Variants in PDE7A observed in about 807,000 individuals in gnomAD.
PDE7A encodes the protein phosphodiesterase 7A.
Under a neutral mutation model 64.3 loss-of-function variants are expected in PDE7A, and 39 were observed. That is an observed-to-expected ratio of 0.61 (90% confidence interval 0.47 to 0.79). The LOEUF (loss-of-function observed/expected upper bound fraction) is 0.79. Ranked by LOEUF, PDE7A falls within the 30% of genes least tolerant of loss-of-function variation. The pLI is 0.00. For synonymous variants in PDE7A, 203 were observed against 206.8 expected, an observed-to-expected ratio of 0.98 and a Z score of 0.16; for missense variants, 470 against 582.8, an observed-to-expected ratio of 0.81 and a Z score of 1.99.
chr8:65,833,104 A>G (rs1208259567), intron 1 of PDE7A, among the ~76,000 whole-genome samples: 1 of 152,168 alleles, frequency 6.6e-6, no homozygotes, highest in Non-Finnish European at 1.5e-5. Context: ...ACCAATCGAA[A>G]TCTATAACAT....
chr8:65,719,285 G>A lies in PDE7A; in HGVS notation c.*5C>T, dbSNP rs1806276119. The A allele has an allele frequency of 6.2e-7, 1 of 1,606,060 alleles. No individual in the cohort carries two copies. The highest frequency in any genetic ancestry group is 1.3e-5 in the African/African-American group (1 of 74,760). On this transcript the variant is annotated 3_prime_UTR_variant, in exon 13 of 13. Coordinates refer to ENST00000401827, the MANE Select transcript of PDE7A (RefSeq NM_001242318.3). ...GGAGGCAGTTTGTCCCACTGGTTCT[G>A]GGGGTTATGATAACCGATTTTCCTG... is the stretch of plus-strand genomic sequence containing the variant.
At chr8:65,746,655 C>G (rs971556753) in intron 4 of PDE7A, among the ~76,000 whole-genome samples, 3 of 152,134 alleles carry the variant, frequency 2.0e-5, no homozygotes, top group African/African-American at 7.2e-5. Context: ...TATGAATACA[C>G]TGACATGAGC....
At chr8:65,735,274 C>T (rs539996861) in intron 6 of PDE7A, among the ~76,000 whole-genome samples, 74 of 152,220 alleles carry the variant, frequency 4.9e-4, no homozygotes, top group African/African-American at 1.7e-3. Flanking sequence ...CACTTGCTTC[C>T]GTCCCATCCT....
chr8:65,807,476 TAGAG>T (rs1810138732), intron 1 of PDE7A, among the ~76,000 whole-genome samples: 1 of 152,214 alleles, frequency 6.6e-6, no homozygotes, highest in Admixed American at 6.5e-5. Context: ...CATCTATGAC[TAGAG>T]ATAGTTTTAC....
intron 1 of PDE7A, among the ~76,000 whole-genome samples, chr8:65,825,985 T>C (rs1274090070): frequency 6.6e-6 from 1 of 151,984 alleles, no homozygotes; most frequent in East Asian, 1.9e-4. Flanking sequence ...AAGAGGATGG[T>C]CAAGGAAGGC....
At chr8:65,837,187 G>A (rs547654199) in intron 1 of PDE7A, among the ~76,000 whole-genome samples, 1 of 152,324 alleles carries the variant, frequency 6.6e-6, no homozygotes, top group South Asian at 2.1e-4. Context: ...ACAGGACCTG[G>A]ATAATTTGTC....
chr8:65,747,359 T>A (rs1057119795), intron 4 of PDE7A, among the ~76,000 whole-genome samples: 2 of 152,228 alleles, frequency 1.3e-5, no homozygotes, highest in Non-Finnish European at 2.9e-5. Context: ...CTTCCCAGCA[T>A]TACAATTCTG....
chr8:65,746,197 G>T (rs117547270), intron 4 of PDE7A, among the ~76,000 whole-genome samples: 1 of 150,920 alleles, frequency 6.6e-6, no homozygotes, highest in African/African-American at 2.4e-5. Flanking sequence ...GCCTCCGAAC[G>T]TGCTAGGATT....
chr8:65,807,927 A>G (rs1478424355), intron 1 of PDE7A, among the ~76,000 whole-genome samples: 1 of 152,146 alleles, frequency 6.6e-6, no homozygotes, highest in East Asian at 1.9e-4. Context: ...GGTAAATCTT[A>G]TTGTATACAA....
chr8:65,755,945 C>T lies in PDE7A; in HGVS notation c.284-8142G>A, dbSNP rs567590776. ...ATCTACCATTTCTTGTAGGACAGGT[C>T]TACTGGTAATGAACTCCCTCAACTT... is the stretch of plus-strand genomic sequence containing the variant. On this transcript the variant is annotated intron_variant, in intron 3 of 12. Transcript: ENST00000401827. 2.0e-5 allele frequency among the ~76,000 whole-genome samples: 3 copies of T among 152,294 alleles called. No individual in the cohort carries two copies. In the East Asian group the frequency reaches 5.8e-4, roughly 29 times the overall value.
chr8:65,788,839 A>C, intron 1 of PDE7A: 1 of 1,318,674 alleles, frequency 7.6e-7, no homozygotes, highest in Non-Finnish European at 1.1e-6. Context: ...AAATATGTAA[A>C]CTAATGATGA....
At chr8:65,800,465 T>C (rs1809960723) in intron 1 of PDE7A, among the ~76,000 whole-genome samples, 1 of 152,228 alleles carries the variant, frequency 6.6e-6, no homozygotes, top group Non-Finnish European at 1.5e-5. Context: ...ATTTTGCCTG[T>C]AGCTTCTGCT....
At chr8:65,814,060 C>T (rs1236079096) in intron 1 of PDE7A, among the ~76,000 whole-genome samples, 1 of 151,572 alleles carries the variant, frequency 6.6e-6, no homozygotes, top group East Asian at 1.9e-4. Flanking sequence ...ATTTTCATTA[C>T]TGAATTTTTT....
At chr8:65,821,190 A>C (rs929871456) in intron 1 of PDE7A, among the ~76,000 whole-genome samples, 14 of 151,894 alleles carry the variant, frequency 9.2e-5, no homozygotes, top group Middle Eastern at 3.4e-3. Context: ...ACAAAAAAAA[A>C]CCCTTTTTTC....
rs762379703 is a variant in PDE7A, at chr8:65,804,540, CTTT to C, written c.139-21700_139-21698del. Among the ~76,000 whole-genome samples the C allele has an allele frequency of 9.8e-3, 1,104 of 113,014 alleles. 7 individuals carry two copies. The highest frequency in any genetic ancestry group is 0.032 in the African/African-American group (1,049 of 32,368). 74.1% of individuals were successfully genotyped at this position (113,014 alleles called of 152,430 possible). On this transcript the variant is annotated intron_variant, in intron 1 of 12. Transcript: ENST00000401827. ...GAAAGCTGAAAGTTTCATTTTGTTG[CTTT>C]TTTTTTTTTTTTTTTTGAAGACAGT...
intron 1 of PDE7A, chr8:65,838,701 G>A (rs983892661): frequency 2.0e-5 from 3 of 152,174 alleles, no homozygotes; most frequent in African/African-American, 4.8e-5. Flanking sequence ...TCAACTAAAT[G>A]TCCCAGGGTG....
At chr8:65,798,580 C>A (rs76798921) in intron 1 of PDE7A, among the ~76,000 whole-genome samples, 2,494 of 152,066 alleles carry the variant, frequency 0.016, 63 homozygotes, top group African/African-American at 0.056. Context: ...TTTAAACAGA[C>A]GAGTCACAAT....
At chr8:65,780,479 G>C (rs1463579591) in intron 2 of PDE7A, among the ~76,000 whole-genome samples, 2 of 152,080 alleles carry the variant, frequency 1.3e-5, no homozygotes, top group Non-Finnish European at 2.9e-5. Flanking sequence ...TCCTACATGT[G>C]CCCACATTAC....
intron 1 of PDE7A, chr8:65,788,858 A>T: frequency 6.8e-7 from 1 of 1,462,458 alleles, no homozygotes; most frequent in Non-Finnish European, 9.6e-7. Flanking sequence ...GAATGTCACC[A>T]TCCTAAAAAT....
Sources: gnomAD v4.1 joint callset for allele counts (sites outside exome capture counted in the v4.1 genomes callset) on GRCh38, gnomAD v4.1.1 for gene constraint, MANE v1.5 for transcripts, NCBI Gene and HGNC (gene_info 2026-07-23, HGNC 2026-07-21) for gene names.